Variants in STXBP5L observed in about 807,000 individuals in gnomAD.
The protein encoded by STXBP5L is syntaxin-binding protein 5-like.
In STXBP5L, 65 loss-of-function variants were observed where a neutral mutation model predicts 144.5. The ratio of observed to expected loss-of-function variants is 0.45; its 90% CI spans 0.37 to 0.55. STXBP5L has a LOEUF of 0.55. STXBP5L is among the 20% of genes least tolerant of loss of function. The probability of loss-of-function intolerance (pLI) is 0.00; values close to 1 mark genes in which losing one functional copy is unlikely to be tolerated. For missense variants in STXBP5L, 1,298 were observed against 1,405.5 expected, an observed-to-expected ratio of 0.92 and a Z score of 1.22; for synonymous variants, 505 against 469.6, an observed-to-expected ratio of 1.08 and a Z score of -0.97.
At chr3:120,932,596 T>G (rs112278507) in intron 2 of STXBP5L, among the ~76,000 whole-genome samples, 3 of 151,666 alleles carry the variant, frequency 2.0e-5, no homozygotes, top group African/African-American at 4.8e-5. Flanking sequence ...ATTAACACTG[T>G]TGGGACTGTA....
rs1015589044 is a variant in STXBP5L at position 121,421,147 on chromosome 3, T to C, written c.*2050T>C. 1 of 152,144 alleles carries C rather than the reference T, an allele frequency of 6.6e-6. No individual in the cohort carries two copies. The highest frequency in any genetic ancestry group is 1.5e-5 in the Non-Finnish European group (1 of 68,018). The allele number at this position is 152,144 out of a possible 1,614,324, so 9.4% of individuals were successfully genotyped here. On this transcript the variant is annotated 3_prime_UTR_variant, in exon 27 of 27. Coordinates refer to ENST00000471454, the MANE Select transcript of STXBP5L (RefSeq NM_001308330.2). ...AAATTGCAATGTATTCTTTGTACCA[T>C]CTGTTTCAAAGACTTAGTTTTCTGA... is the stretch of plus-strand genomic sequence containing the variant.
rs189975106 is a variant in STXBP5L at position 121,008,084 on chromosome 3, C to G, written c.288-33616C>G. ...CCAGCACTTCTGCTATTTTAGGTTT[C>G]TTTCCTACTGGGTTTATGTAGGCCT... is the stretch of plus-strand genomic sequence containing the variant. On this transcript the variant is annotated intron_variant, in intron 3 of 26. Transcript: ENST00000471454. Among the ~76,000 whole-genome samples, 108 of 152,020 alleles carry G rather than the reference C, an allele frequency of 7.1e-4. 1 individual carries two copies. Among genetic ancestry groups the G allele is most frequent in the African/African-American group, 2.4e-3 (99 of 41,494 alleles).
chr3:121,190,945 C>T (rs537107541), intron 9 of STXBP5L, among the ~76,000 whole-genome samples: 9 of 150,658 alleles, frequency 6.0e-5, no homozygotes, highest in East Asian at 5.9e-4. Flanking sequence ...TCAGACGGGG[C>T]GGCGGGGCAG....
chr3:120,929,063 G>A (rs1057263071), intron 2 of STXBP5L, among the ~76,000 whole-genome samples: 1 of 152,166 alleles, frequency 6.6e-6, no homozygotes, highest in Non-Finnish European at 1.5e-5. Flanking sequence ...TGGGAAGCTG[G>A]AGGCAGGCTG....
rs56183568 is a variant in STXBP5L at position 121,154,083 on chromosome 3, G to A, written c.753+1523G>A. On this transcript the variant is annotated intron_variant, in intron 8 of 26. Transcript: ENST00000471454. ...TGGCCTTAAAAAGTATGGAAGAAAC[G>A]TTTTGAGCCTTAAAAAGAGAGTAAA... Among the ~76,000 whole-genome samples, 1,197 of 151,856 alleles carry A rather than the reference G, an allele frequency of 7.9e-3. 13 individuals are homozygous for A. Among genetic ancestry groups the A allele is most frequent in the African/African-American group, 0.028 (1,153 of 41,484 alleles).
At chr3:121,040,332 A>C (rs1158861291) in intron 3 of STXBP5L, among the ~76,000 whole-genome samples, 1 of 152,068 alleles carries the variant, frequency 6.6e-6, no homozygotes, top group Non-Finnish European at 1.5e-5. Flanking sequence ...TATCTTAGGG[A>C]GGAATTTTTC....
intron 3 of STXBP5L, among the ~76,000 whole-genome samples, chr3:120,975,925 G>A (rs1243750612): frequency 3.9e-5 from 6 of 152,120 alleles, no homozygotes; most frequent in South Asian, 2.1e-4. Flanking sequence ...GCTTTTTGAT[G>A]TGCTGCTGGA....
chr3:121,247,085 A>T (rs2049878185), intron 14 of STXBP5L, among the ~76,000 whole-genome samples: 1 of 152,252 alleles, frequency 6.6e-6, no homozygotes, highest in South Asian at 2.1e-4. Flanking sequence ...TGTAAATTAC[A>T]TCTGAATAAA....
chr3:121,347,894 C>A lies in STXBP5L; in HGVS notation c.2176+29354C>A, dbSNP rs182615593. Among the ~76,000 whole-genome samples, 49 of 152,310 alleles carry A rather than the reference C, an allele frequency of 3.2e-4. No homozygotes were observed. In the East Asian group the frequency reaches 9.4e-3, roughly 29 times the overall value. Reference sequence around the variant, plus strand: ...GGGTTTTCTAGATATACAGTCATGTCATCTGCAAACAGGGACAATTTGACT... The same window carrying A: ...GGGTTTTCTAGATATACAGTCATGTAATCTGCAAACAGGGACAATTTGACT... On this transcript the variant is annotated intron_variant, in intron 20 of 26. Transcript: ENST00000471454.
chr3:121,004,626 G>T (rs903698242), intron 3 of STXBP5L, among the ~76,000 whole-genome samples: 1 of 152,044 alleles, frequency 6.6e-6, no homozygotes, highest in Non-Finnish European at 1.5e-5. Flanking sequence ...CCTGTCTTGT[G>T]CCAGTTTTCA....
chr3:121,189,730 T>C (rs934042648), intron 9 of STXBP5L, among the ~76,000 whole-genome samples: 1 of 152,162 alleles, frequency 6.6e-6, no homozygotes, highest in Non-Finnish European at 1.5e-5. Context: ...ATATGAACTT[T>C]AAAATAGTTT....
At chr3:121,003,092 A>G (rs1342087741) in intron 3 of STXBP5L, among the ~76,000 whole-genome samples, 1 of 152,122 alleles carries the variant, frequency 6.6e-6, no homozygotes, top group Non-Finnish European at 1.5e-5. Flanking sequence ...GGCTGGGTCA[A>G]ATGGTATTTC....
chr3:120,989,875 G>C (rs1003809125), intron 3 of STXBP5L, among the ~76,000 whole-genome samples: 3 of 152,152 alleles, frequency 2.0e-5, no homozygotes, highest in African/African-American at 7.2e-5. Context: ...AAAACTTGAA[G>C]CATTCTCTTT....
chr3:121,185,478 G>A (rs1447648015), intron 9 of STXBP5L, among the ~76,000 whole-genome samples: 1 of 152,170 alleles, frequency 6.6e-6, no homozygotes, highest in Non-Finnish European at 1.5e-5. Flanking sequence ...TTTTGTATAA[G>A]GTGTAAGTAA....
At chr3:121,389,947 C>T (rs1436512310) in intron 22 of STXBP5L, among the ~76,000 whole-genome samples, 5 of 152,080 alleles carry the variant, frequency 3.3e-5, no homozygotes, top group Non-Finnish European at 7.4e-5. Context: ...TCCTTGTTAA[C>T]CTTCTGTCTC....
intron 5 of STXBP5L, among the ~76,000 whole-genome samples, chr3:121,104,248 G>T (rs1476548117): frequency 1.3e-5 from 2 of 152,036 alleles, no homozygotes; most frequent in Non-Finnish European, 2.9e-5. Flanking sequence ...AGAAATAATA[G>T]AATACAAACA....
intron 3 of STXBP5L, among the ~76,000 whole-genome samples, chr3:121,039,094 A>G (rs1390340530): frequency 6.6e-6 from 1 of 151,842 alleles, no homozygotes; most frequent in Non-Finnish European, 1.5e-5. Context: ...CACTGTTTGC[A>G]TTTAGTGTGG....
intron 22 of STXBP5L, among the ~76,000 whole-genome samples, chr3:121,401,215 T>A (rs1179666600): frequency 1.3e-5 from 2 of 152,162 alleles, no homozygotes; most frequent in African/African-American, 4.8e-5. Context: ...TTTAGCTGTG[T>A]GTCTCCCTTC....
chr3:121,208,518 T>C (rs2048428687), intron 10 of STXBP5L, among the ~76,000 whole-genome samples: 1 of 151,370 alleles, frequency 6.6e-6, no homozygotes. Context: ...AACCCACTGT[T>C]TTATACCATT....
Sources: allele counts gnomAD v4.1 joint callset (sites outside exome capture counted in the v4.1 genomes callset), GRCh38; gene constraint gnomAD v4.1.1; transcripts MANE v1.5; gene names NCBI Gene and HGNC (gene_info 2026-07-23, HGNC 2026-07-21).